TMCC1: variants seen among roughly 807,000 people sequenced by gnomAD.
TMCC1 encodes the protein transmembrane and coiled-coil domain family 1, also known as transmembrane and coiled-coil domains protein 1.
A neutral mutation model predicts 52.4 loss-of-function variants in TMCC1; 15 were observed. The observed-to-expected ratio is 0.29, with a 90% CI of 0.19 to 0.44. The LOEUF (loss-of-function observed/expected upper bound fraction) is 0.44, where lower values mean the gene tolerates loss of function less well. Among genes scored for constraint, TMCC1 ranks in the 20% least tolerant of loss-of-function variants. The pLI is 1.00. For synonymous variants in TMCC1, 279 were observed against 301.9 expected, an observed-to-expected ratio of 0.92 and a Z score of 0.79; for missense variants, 503 against 806.0, an observed-to-expected ratio of 0.62 and a Z score of 4.55.
At chr3:129,802,109 T>C (rs780264978) in intron 4 of TMCC1, among the ~76,000 whole-genome samples, 2 of 152,220 alleles carry the variant, frequency 1.3e-5, no homozygotes, top group Admixed American at 6.5e-5. Context: ...TAAGACACTA[T>C]ATAGTCTTGT....
intron 4 of TMCC1, among the ~76,000 whole-genome samples, chr3:129,692,188 T>C (rs1000034064): frequency 1.3e-5 from 2 of 152,240 alleles, no homozygotes; most frequent in South Asian, 2.1e-4. Context: ...AACTTACTTA[T>C]ACAGGTTTAG....
At chr3:129,780,202 C>G (rs2055407098) in intron 4 of TMCC1, among the ~76,000 whole-genome samples, 1 of 152,080 alleles carries the variant, frequency 6.6e-6, no homozygotes. Flanking sequence ...CTGAAGGGGT[C>G]TGCAGGAAAT....
intron 2 of TMCC1, among the ~76,000 whole-genome samples, chr3:129,863,600 G>A (rs1446663752): frequency 6.6e-6 from 1 of 152,106 alleles, no homozygotes; most frequent in Non-Finnish European, 1.5e-5. Flanking sequence ...AGTGGCTCAC[G>A]CCTGTAATCC....
At chr3:129,846,893 AAG>A (rs1491073094) in intron 2 of TMCC1, among the ~76,000 whole-genome samples, 37 of 117,792 alleles carry the variant, frequency 3.1e-4, no homozygotes, top group East Asian at 1.4e-3. Context: ...AAAAAAAAAA[AAG>A]GGCAGGAGGA....
chr3:129,761,315 G>A (rs1321964345), intron 4 of TMCC1, among the ~76,000 whole-genome samples: 83 of 119,374 alleles, frequency 7.0e-4, no homozygotes, highest in South Asian at 1.2e-3. Context: ...GCGACAGAGC[G>A]AGACTCCGTC....
intron 4 of TMCC1, among the ~76,000 whole-genome samples, chr3:129,796,285 G>C (rs2811332): frequency 0.34 from 51,014 of 152,060 alleles, 11,196 homozygotes; most frequent in Non-Finnish European, 0.48. Context: ...GTGTGTAGTA[G>C]GTTATGCTAT....
At chr3:129,807,645 A>G (rs1467193356) in intron 4 of TMCC1, among the ~76,000 whole-genome samples, 1 of 152,236 alleles carries the variant, frequency 6.6e-6, no homozygotes, top group Non-Finnish European at 1.5e-5. Context: ...AGGGTCAAGA[A>G]TCAGAATGGC....
intron 4 of TMCC1, among the ~76,000 whole-genome samples, chr3:129,705,605 CTTTTTTTT>C (rs1277305226): frequency 2.9e-5 from 4 of 138,844 alleles, no homozygotes; most frequent in African/African-American, 1.1e-4. Flanking sequence ...ATTTGAAACA[CTTTTTTTT>C]TTTTTTTTTT....
rs528631558 is a variant in TMCC1 at position 129,654,971 on chromosome 3, G to A, written c.1644C>T (p.Ile548=). ...ACACCTTTTCCTTCATACTAACCTG[G>A]ATGTCCCGGGCCCGTTCATAGGACT... ...AYQSYERARD[I]QEALEACQTR... The change falls in exon 6 of 7, where the codon ATC becomes ATT. Residue 548 remains isoleucine, a synonymous_variant. Coordinates refer to ENST00000393238, the MANE Select transcript of TMCC1 (RefSeq NM_001017395.5). The A allele has an allele frequency of 5.0e-6, 8 of 1,613,374 alleles. No homozygotes were observed. In the African/African-American group the frequency reaches 1.1e-4, roughly 22 times the overall value.
At chr3:129,774,305 G>A (rs1043606543) in intron 4 of TMCC1, among the ~76,000 whole-genome samples, 3 of 152,138 alleles carry the variant, frequency 2.0e-5, no homozygotes, top group Non-Finnish European at 2.9e-5. Context: ...GTTTCCTTAT[G>A]AACTAAATAT....
At chr3:129,785,938 T>A (rs2055993336) in intron 4 of TMCC1, among the ~76,000 whole-genome samples, 1 of 149,092 alleles carries the variant, frequency 6.7e-6, no homozygotes, top group Non-Finnish European at 1.5e-5. Flanking sequence ...ACCCCCTTTT[T>A]TTTTTTTTTT....
chr3:129,655,332 A>G (rs901396627), intron 5 of TMCC1, among the ~76,000 whole-genome samples: 1 of 152,220 alleles, frequency 6.6e-6, no homozygotes, highest in Admixed American at 6.5e-5. Flanking sequence ...AATCTTTTCA[A>G]TACACAGTAT....
chr3:129,849,782 TAAAA>T (rs1241562481), intron 2 of TMCC1, among the ~76,000 whole-genome samples: 1 of 150,162 alleles, frequency 6.7e-6, no homozygotes, highest in South Asian at 2.1e-4. Context: ...AAATAAAAAA[TAAAA>T]AAAGTATCTC....
At chr3:129,812,856 C>T (rs111907737) in intron 4 of TMCC1, among the ~76,000 whole-genome samples, 4 of 152,134 alleles carry the variant, frequency 2.6e-5, no homozygotes, top group African/African-American at 9.6e-5. Flanking sequence ...TTCTGCACAA[C>T]AGAAGAAACT....
At chr3:129,814,350 CTTG>C (rs1238160239) in intron 4 of TMCC1, among the ~76,000 whole-genome samples, 5 of 152,062 alleles carry the variant, frequency 3.3e-5, no homozygotes, top group African/African-American at 1.2e-4. Context: ...TTTAAAATAA[CTTG>C]TTATGTTTGT....
chr3:129,716,904 C>A (rs1480945323), intron 4 of TMCC1, among the ~76,000 whole-genome samples: 2 of 152,168 alleles, frequency 1.3e-5, no homozygotes, highest in East Asian at 1.9e-4. Flanking sequence ...CTATTGTTAT[C>A]GGACTCTACA....
intron 2 of TMCC1, among the ~76,000 whole-genome samples, chr3:129,841,862 C>T (rs1351848718): frequency 6.6e-6 from 1 of 152,178 alleles, no homozygotes; most frequent in Non-Finnish European, 1.5e-5. Flanking sequence ...CTTACTTTCC[C>T]TTCTGCCATG....
rs1207823903 is a variant in TMCC1, at chr3:129,706,867, GGT to G, written c.577-35605_577-35604del. On this transcript the variant is annotated intron_variant, in intron 4 of 6. Transcript: ENST00000393238. ...GGCTGGAGTGCAATGGCTATTCACA[GGT>G]GTGATCATAGCTCACTGCAGCCTCA... 2.8e-3 allele frequency among the ~76,000 whole-genome samples: 423 copies of G among 152,150 alleles called. 3 individuals carry two copies. Among genetic ancestry groups the G allele is most frequent in the African/African-American group, 9.6e-3 (397 of 41,508 alleles).
At chr3:129,756,769 C>A (rs560526416) in intron 4 of TMCC1, among the ~76,000 whole-genome samples, 1 of 152,130 alleles carries the variant, frequency 6.6e-6, no homozygotes, top group African/African-American at 2.4e-5. Context: ...TGTATGATTC[C>A]ATTCACATGA....
Sources: gnomAD v4.1 joint callset for allele counts (sites outside exome capture counted in the v4.1 genomes callset) on GRCh38, gnomAD v4.1.1 for gene constraint, MANE v1.5 for transcripts, NCBI Gene and HGNC (gene_info 2026-07-23, HGNC 2026-07-21) for gene names.